Variants in USP24 observed in about 807,000 individuals in gnomAD.
USP24 encodes ubiquitin specific peptidase 24, also known as ubiquitin carboxyl-terminal hydrolase 24.
Under a neutral mutation model 361.6 loss-of-function variants are expected in USP24, and 97 were observed. That is an observed-to-expected ratio of 0.27 (90% CI 0.23 to 0.32). USP24 has a LOEUF of 0.32. USP24 is among the 10% of genes least tolerant of loss of function. USP24 has a pLI of 1.00. For missense variants in USP24, 2,353 were observed against 3,165.6 expected (o/e 0.74, Z 6.16); for synonymous variants, 1,098 against 1,124.6 (o/e 0.98, Z 0.47).
rs1310554941 is a variant in USP24, at chr1:55,209,180, C to CA, written c.324+5609dup. Among the ~76,000 whole-genome samples, 8 of 152,216 alleles carry CA rather than the reference C, an allele frequency of 5.3e-5. No homozygotes were observed. The East Asian group carries it at 1.5e-3, about 29-fold the overall frequency. ...CACAACTCTCTTAGTCGTACCTCTG[C>CA]AATCTAGTATCATGACTGAAATGTC... is the stretch of plus-strand genomic sequence containing the variant. On this transcript the variant is annotated intron_variant, in intron 1 of 67. Transcript: ENST00000294383.
rs1408649185 is a variant in USP24 at position 55,098,185 on chromosome 1, TGG to T, written c.5454-103_5454-102del. On this transcript the variant is annotated intron_variant, in intron 46 of 67. Coordinates refer to ENST00000294383, the MANE Select transcript of USP24 (RefSeq NM_015306.3). ...TGAACACAGAACTACATTTTTAATC[TGG>T]GAGTCCCTCAATATTTTAAAAGTCC... 8 of 1,330,320 alleles carry T rather than the reference TGG, an allele frequency of 6.0e-6. No homozygotes were observed. The East Asian group carries it at 1.8e-4, about 30-fold the overall frequency. The allele number at this position is 1,330,320 out of a possible 1,614,324, so 82.4% of individuals were successfully genotyped here.
In USP24 at chr1:55,107,841, C is replaced by CAAAAAAA. The variant is rs777328294; in HGVS notation, c.4571-418_4571-412dup. On this transcript the variant is annotated intron_variant, in intron 39 of 67. Coordinates refer to ENST00000294383, the MANE Select transcript of USP24 (RefSeq NM_015306.3). Reference sequence around the variant, plus strand: ...TGGGCAAAAGAGCAAGACTCTGTCTCAAAAAAAAAAAAAAAAAAAAAAAAA... The same window carrying CAAAAAAA: ...TGGGCAAAAGAGCAAGACTCTGTCTCAAAAAAAAAAAAAAAAAAAAAAAAAAAAAAAA... 1.4e-3 allele frequency among the ~76,000 whole-genome samples: 54 copies of CAAAAAAA among 38,130 alleles called. 1 individual carries two copies. Among genetic ancestry groups the CAAAAAAA allele is most frequent in the Admixed American group, 2.6e-3 (5 of 1,940 alleles). The allele number at this position is 38,130 out of a possible 152,430, so 25.0% of individuals were successfully genotyped here.
Position 55,159,604 on chromosome 1 carries a change from C to T in USP24, c.1068+7G>A. On this transcript the variant is annotated splice_region_variant and intron_variant, in intron 9 of 67. Coordinates refer to ENST00000294383, the MANE Select transcript of USP24 (RefSeq NM_015306.3). ...CTGGGGCCTATCTGGCTGGAGAAGG[C>T]ATTTACCTTGTCTTTGAGGTCTTTC... 1 of 1,556,714 alleles carries T rather than the reference C, an allele frequency of 6.4e-7. No homozygotes were observed. Among genetic ancestry groups the T allele is most frequent in the Non-Finnish European group, 8.7e-7 (1 of 1,148,714 alleles).
At chr1:55,141,547 T>G in intron 24 of USP24, 69 bp downstream of exon 24, 1 of 1,374,832 alleles carries the variant, frequency 7.3e-7, no homozygotes, top group Non-Finnish European at 1.0e-6. Context: ...GAAACCTACA[T>G]AAAAAACACC....
chr1:55,171,333 C>T (rs1649419504), intron 5 of USP24, among the ~76,000 whole-genome samples: 1 of 152,084 alleles, frequency 6.6e-6, no homozygotes, highest in Admixed American at 6.5e-5. Flanking sequence ...TTTTACTAAA[C>T]ATCATTTCAA....
chr1:55,081,420 C>T lies in USP24; in HGVS notation c.6980G>A (p.Arg2327His), dbSNP rs775448328. Residue 2327 changes from arginine to histidine, a missense_variant, in exon 59 of 68, where the codon CGT becomes CAT. Arg to His is a conservative substitution (Grantham distance 29). Coordinates refer to ENST00000294383, the MANE Select transcript of USP24 (RefSeq NM_015306.3). ...LGASRQNNQI[R>H]RWSSAQAREF... ...TCGTGCTTGTGCTGAACTCCATCGA[C>T]GTATCTGTCATCAGGGAAGATAAAG... 23 of 1,613,272 alleles carry T rather than the reference C, an allele frequency of 1.4e-5. No individual in the cohort carries two copies. The South Asian group carries it at 1.4e-4, about 10-fold the overall frequency.
At chr1:55,121,679 TA>T (rs1471643697) in intron 36 of USP24, among the ~76,000 whole-genome samples, 173 bp from the exon 37 acceptor site, 1 of 152,248 alleles carries the variant, frequency 6.6e-6, no homozygotes, top group African/African-American at 2.4e-5. Context: ...CATAAAATTC[TA>T]AGTTGTTCAA....
intron 1 of USP24, among the ~76,000 whole-genome samples, chr1:55,182,171 C>T (rs1017529697): frequency 1.3e-5 from 2 of 152,254 alleles, no homozygotes; most frequent in African/African-American, 4.8e-5. Flanking sequence ...CCTGCCTCAG[C>T]CTCCCAAGTA....
intron 7 of USP24, among the ~76,000 whole-genome samples, chr1:55,162,725 TC>T (rs1489269963): frequency 6.6e-6 from 1 of 152,128 alleles, no homozygotes; most frequent in Non-Finnish European, 1.5e-5. Context: ...TGTAAAAACA[TC>T]AATTCTCTCT....
intron 63 of USP24, among the ~76,000 whole-genome samples, chr1:55,075,158 A>T (rs970907642): frequency 1.3e-5 from 2 of 152,102 alleles, no homozygotes; most frequent in African/African-American, 4.8e-5. Context: ...TTCTTGCATC[A>T]GGGAGTGGCC....
intron 32 of USP24, among the ~76,000 whole-genome samples, chr1:55,125,996 C>T (rs1646418388): frequency 6.6e-6 from 1 of 152,164 alleles, no homozygotes; most frequent in Admixed American, 6.5e-5. Context: ...TCAAAAGACC[C>T]ATCAGGGTGA....
chr1:55,086,925 G>A (rs74398170), intron 55 of USP24, among the ~76,000 whole-genome samples: 36 of 151,968 alleles, frequency 2.4e-4, no homozygotes, highest in Non-Finnish European at 4.9e-4. Flanking sequence ...ACAATAAAAG[G>A]CTCTTTAAAA....
Position 55,154,298 on chromosome 1 carries a change from A to G in USP24, c.1651-18T>C, listed in dbSNP as rs1449668537. The G allele has an allele frequency of 1.3e-6, 2 of 1,594,978 alleles. No homozygotes were observed. The highest frequency in any genetic ancestry group is 8.5e-7 in the Non-Finnish European group (1 of 1,170,324). On this transcript the variant is annotated intron_variant, in intron 14 of 67. Coordinates refer to ENST00000294383, the MANE Select transcript of USP24 (RefSeq NM_015306.3). ...TCTAAAACCTACAATAATATTACATATGATCAGCCAGCCAATATGCAAATA... is the reference window on the plus strand; with the variant it reads ...TCTAAAACCTACAATAATATTACATGTGATCAGCCAGCCAATATGCAAATA...
At position 55,202,784 on chromosome 1, in the gene USP24, T is replaced by C. The variant is rs534829350; in HGVS notation, c.324+12006A>G. ...TGGATAGACTCAGGCAGGGGATCAC[T>C]TGTACAAGGATGCTAGTCGAGAGAC... On this transcript the variant is annotated intron_variant, in intron 1 of 67. Coordinates refer to ENST00000294383, the MANE Select transcript of USP24 (RefSeq NM_015306.3). 4.6e-5 allele frequency among the ~76,000 whole-genome samples: 7 copies of C among 152,320 alleles called. No homozygotes were observed. In the South Asian group the frequency reaches 1.4e-3, roughly 32 times the overall value.
At chr1:55,074,682 AAAT>A (rs1644989918) in intron 63 of USP24, among the ~76,000 whole-genome samples, 2 of 150,156 alleles carry the variant, frequency 1.3e-5, no homozygotes, top group South Asian at 2.1e-4. Flanking sequence ...AAATAAATAA[AAAT>A]AAAAAATAAT....
At chr1:55,080,108 A>G (rs988640001) in intron 59 of USP24, among the ~76,000 whole-genome samples, 1 of 152,350 alleles carries the variant, frequency 6.6e-6, no homozygotes, top group South Asian at 2.1e-4. Context: ...TCCTCAAACA[A>G]CTGTTCTCAA....
Position 55,136,572 on chromosome 1 carries a change from C to T in USP24, c.3201+943G>A, listed in dbSNP as rs192794209. Among the ~76,000 whole-genome samples, 22 of 152,224 alleles carry T rather than the reference C, an allele frequency of 1.4e-4. 1 individual carries two copies. In the East Asian group the frequency reaches 3.1e-3, roughly 21 times the overall value. On this transcript the variant is annotated intron_variant, in intron 28 of 67. Coordinates refer to ENST00000294383, the MANE Select transcript of USP24 (RefSeq NM_015306.3). ...TATGCCAGGTGAGGCATGGTGATTG[C>T]CTAGACTGGTGTGCAAGCTGTGGAT...
chr1:55,167,841 G>A (rs1649043940), intron 5 of USP24, among the ~76,000 whole-genome samples: 1 of 152,118 alleles, frequency 6.6e-6, no homozygotes, highest in East Asian at 1.9e-4. Flanking sequence ...TACTAAAAAG[G>A]AGAATAAAGG....
At chr1:55,206,747 G>A (rs1644717579) in intron 1 of USP24, among the ~76,000 whole-genome samples, 1 of 150,644 alleles carries the variant, frequency 6.6e-6, no homozygotes, top group South Asian at 2.1e-4. Context: ...AAAATATTTA[G>A]GATAAGAATA....
Sources: gnomAD v4.1 joint callset for allele counts (sites outside exome capture counted in the v4.1 genomes callset) on GRCh38, gnomAD v4.1.1 for gene constraint, MANE v1.5 for transcripts, NCBI Gene and HGNC (gene_info 2026-07-23, HGNC 2026-07-21) for gene names.